The following HS6ST3 variants were observed in gnomAD, a reference collection of about 807,000 sequenced individuals.
The protein encoded by HS6ST3 is heparan sulfate 6-O-sulfotransferase 3.
Under a neutral mutation model 36.7 loss-of-function variants are expected in HS6ST3, and 12 were observed. The observed-to-expected ratio is 0.33, with a 90% CI of 0.21 to 0.53. The LOEUF (loss-of-function observed/expected upper bound fraction) is 0.53, where lower values mean the gene tolerates loss of function less well. HS6ST3 is among the 20% of genes least tolerant of loss of function. The pLI, the probability that HS6ST3 is intolerant of heterozygous loss-of-function variation, is 0.95. For synonymous variants in HS6ST3, 240 were observed against 257.5 expected, an observed-to-expected ratio of 0.93 and a Z score of 0.65; for missense variants, 584 against 640.9, an observed-to-expected ratio of 0.91 and a Z score of 0.96.
chr13:96,347,527 T>G (rs1014412402), intron 1 of HS6ST3, among the ~76,000 whole-genome samples: 1 of 152,256 alleles, frequency 6.6e-6, no homozygotes, highest in Non-Finnish European at 1.5e-5. Flanking sequence ...TTTTAAATTT[T>G]ATACTGCAGG....
At chr13:96,514,284 G>A (rs2056063034) in intron 1 of HS6ST3, among the ~76,000 whole-genome samples, 1 of 152,170 alleles carries the variant, frequency 6.6e-6, no homozygotes. Flanking sequence ...TTATATTGAA[G>A]GTGCAGCCAG....
chr13:96,679,225 C>A (rs571099494), intron 1 of HS6ST3, among the ~76,000 whole-genome samples: 4 of 150,888 alleles, frequency 2.7e-5, no homozygotes, highest in Non-Finnish European at 5.9e-5. Context: ...TCTCTGGGTT[C>A]GAAGCATCAG....
At chr13:96,347,803 A>C (rs1416248692) in intron 1 of HS6ST3, among the ~76,000 whole-genome samples, 1 of 152,116 alleles carries the variant, frequency 6.6e-6, no homozygotes, top group African/African-American at 2.4e-5. Context: ...CCAGGTACTT[A>C]TCTGACTTCC....
chr13:96,110,671 G>A (rs1250053396), intron 1 of HS6ST3, among the ~76,000 whole-genome samples: 6 of 152,010 alleles, frequency 3.9e-5, no homozygotes, highest in African/African-American at 1.4e-4. Flanking sequence ...TGATCCCCCC[G>A]CCTCGGCCTC....
intron 1 of HS6ST3, among the ~76,000 whole-genome samples, chr13:96,459,418 T>G (rs978349124): frequency 2.6e-5 from 4 of 151,016 alleles, no homozygotes; most frequent in African/African-American, 9.9e-5. Context: ...GTTATCATAT[T>G]GGAAAAGTTA....
chr13:96,192,922 T>C (rs1190317554), intron 1 of HS6ST3, among the ~76,000 whole-genome samples: 2 of 152,018 alleles, frequency 1.3e-5, no homozygotes, highest in Non-Finnish European at 2.9e-5. Context: ...AGGAAAAAGT[T>C]TTTCTGAGCT....
At chr13:96,248,412 A>G (rs1329524193) in intron 1 of HS6ST3, among the ~76,000 whole-genome samples, 2 of 152,178 alleles carry the variant, frequency 1.3e-5, no homozygotes, top group Non-Finnish European at 2.9e-5. Flanking sequence ...TCTAATTTAA[A>G]TAGGATCTTT....
At chr13:96,215,040 G>T (rs1297511688) in intron 1 of HS6ST3, among the ~76,000 whole-genome samples, 1 of 152,172 alleles carries the variant, frequency 6.6e-6, no homozygotes, top group African/African-American at 2.4e-5. Context: ...TACCAGAGTG[G>T]GAGGGGGTCG....
chr13:96,832,552 A>T lies in HS6ST3; in HGVS notation c.770A>T (p.His257Leu). Reference sequence around the variant, plus strand: ...TCACGTTACCTGAGCGAGTGGAAACATGTCCAGAGAGGGGCCACTTGGAAA... The same window carrying T: ...TCACGTTACCTGAGCGAGTGGAAACTTGTCCAGAGAGGGGCCACTTGGAAA... ...PVSRYLSEWK[H>L]VQRGATWKTS... Residue 257 changes from histidine to leucine, a missense_variant, in exon 2 of 2, where the codon CAT becomes CTT. Transcript: ENST00000376705. 1 of 1,611,580 alleles carries T rather than the reference A, an allele frequency of 6.2e-7. No homozygotes were observed. The highest frequency in any genetic ancestry group is 1.7e-5 in the Admixed American group (1 of 59,528).
chr13:96,323,636 C>T (rs1460499574), intron 1 of HS6ST3, among the ~76,000 whole-genome samples: 1 of 152,184 alleles, frequency 6.6e-6, no homozygotes, highest in Non-Finnish European at 1.5e-5. Flanking sequence ...CCCTGTGCCT[C>T]CTTCCTGGAG....
At chr13:96,373,372 C>G (rs1328714655) in intron 1 of HS6ST3, among the ~76,000 whole-genome samples, 1 of 152,164 alleles carries the variant, frequency 6.6e-6, no homozygotes, top group Non-Finnish European at 1.5e-5. Flanking sequence ...ATTCCAATAT[C>G]TGGAGACCAT....
At chr13:96,237,682 C>T (rs2054541051) in intron 1 of HS6ST3, among the ~76,000 whole-genome samples, 1 of 152,214 alleles carries the variant, frequency 6.6e-6, no homozygotes, top group Non-Finnish European at 1.5e-5. Context: ...TTAACCCCAA[C>T]ACTCAGTTGA....
At chr13:96,219,653 G>C (rs2054445299) in intron 1 of HS6ST3, among the ~76,000 whole-genome samples, 1 of 151,932 alleles carries the variant, frequency 6.6e-6, no homozygotes, top group African/African-American at 2.4e-5. Flanking sequence ...AGCAACATAG[G>C]CCTGAACTCA....
intron 1 of HS6ST3, among the ~76,000 whole-genome samples, chr13:96,148,652 T>C (rs1301069214): frequency 6.6e-6 from 1 of 152,174 alleles, no homozygotes; most frequent in African/African-American, 2.4e-5. Context: ...AATTTAAATA[T>C]AAGAAAATGA....
At chr13:96,310,740 A>G (rs118109593) in intron 1 of HS6ST3, among the ~76,000 whole-genome samples, 2,188 of 151,588 alleles carry the variant, frequency 0.014, 27 homozygotes, top group East Asian at 0.055. Flanking sequence ...CGTGCATCAC[A>G]ACATACTGCA....
intron 1 of HS6ST3, among the ~76,000 whole-genome samples, chr13:96,657,204 A>G (rs1478624910): frequency 6.6e-6 from 1 of 152,114 alleles, no homozygotes; most frequent in Non-Finnish European, 1.5e-5. Flanking sequence ...TATCAAAATA[A>G]TGAGGAGAAA....
chr13:96,805,765 C>T (rs1385775991), intron 1 of HS6ST3, among the ~76,000 whole-genome samples: 2 of 152,146 alleles, frequency 1.3e-5, no homozygotes, highest in African/African-American at 2.4e-5. Flanking sequence ...GAATCACCAA[C>T]GGAGGTCACA....
chr13:96,094,586 C>T (rs1258288649), intron 1 of HS6ST3, among the ~76,000 whole-genome samples: 2 of 152,142 alleles, frequency 1.3e-5, no homozygotes, highest in African/African-American at 4.8e-5. Flanking sequence ...GATATACATT[C>T]CGTTGGTAAC....
chr13:96,501,183 A>G (rs1199265207), intron 1 of HS6ST3, among the ~76,000 whole-genome samples: 3 of 152,162 alleles, frequency 2.0e-5, no homozygotes, highest in Non-Finnish European at 4.4e-5. Flanking sequence ...TGATGAGATT[A>G]GTCATTAGTG....
Sources: gnomAD v4.1 joint callset for allele counts (sites outside exome capture counted in the v4.1 genomes callset) on GRCh38, gnomAD v4.1.1 for gene constraint, MANE v1.5 for transcripts, NCBI Gene and HGNC (gene_info 2026-07-23, HGNC 2026-07-21) for gene names.